DNAH6: variants seen among roughly 807,000 people sequenced by gnomAD.
DNAH6 encodes dynein axonemal heavy chain 6, also known as axonemal beta dynein heavy chain 6.
Under a neutral mutation model 491.4 loss-of-function variants are expected in DNAH6, and 340 were observed. That is an observed-to-expected ratio of 0.69 (90% CI 0.63 to 0.76). The LOEUF is 0.76. Ranked by LOEUF, DNAH6 falls within the 30% of genes least tolerant of loss-of-function variation. The pLI is 0.00. For missense variants in DNAH6, 4,443 were observed against 4,972.2 expected (o/e 0.89, Z 3.20); for synonymous variants, 1,603 against 1,686.1 (o/e 0.95, Z 1.21).
At chr2:84,659,619 C>T (rs1433316840) in intron 37 of DNAH6, among the ~76,000 whole-genome samples, 2 of 152,130 alleles carry the variant, frequency 1.3e-5, no homozygotes, top group Admixed American at 6.6e-5. Flanking sequence ...TTAGAATGCA[C>T]TCTGTTTTAT....
the DNAH6 span, among the ~76,000 whole-genome samples, chr2:84,507,494 C>T: frequency 6.6e-6 from 1 of 152,276 alleles, no homozygotes; most frequent in Middle Eastern, 3.4e-3. Context: ...TCTAGATATA[C>T]AGTCATGTCA....
At chr2:84,707,755 A>T in intron 54 of DNAH6, 39 bp downstream of exon 54, 1 of 1,505,322 alleles carries the variant, frequency 6.6e-7, no homozygotes, top group Non-Finnish European at 9.0e-7. Context: ...GGTAAGAAGC[A>T]GCTGAAACTG....
intron 41 of DNAH6, among the ~76,000 whole-genome samples, chr2:84,677,394 C>T (rs1693345273): frequency 6.6e-6 from 1 of 152,146 alleles, no homozygotes; most frequent in South Asian, 2.1e-4. Context: ...TTAGAGAAGG[C>T]TGCATCTTAG....
chr2:84,602,736 A>G (rs78145744), intron 18 of DNAH6, among the ~76,000 whole-genome samples: 6,279 of 141,548 alleles, frequency 0.044, 447 homozygotes, highest in African/African-American at 0.15. Context: ...TTCTCCTTCT[A>G]TGATTTCTGT....
intron 23 of DNAH6, among the ~76,000 whole-genome samples, 198 bp from the exon 24 acceptor site, chr2:84,619,487 C>T (rs1687190709): frequency 6.6e-6 from 1 of 152,102 alleles, no homozygotes; most frequent in Admixed American, 6.6e-5. Context: ...ATCATCACAC[C>T]TAAATGCGTC....
intron 46 of DNAH6, among the ~76,000 whole-genome samples, chr2:84,696,437 CA>C (rs1695392018): frequency 1.3e-5 from 2 of 151,858 alleles, no homozygotes; most frequent in South Asian, 4.1e-4. Context: ...CTATGGAATG[CA>C]ACCCAGCAGT....
intron 58 of DNAH6, 38 bp downstream of exon 58, chr2:84,715,665 T>C: frequency 1.3e-6 from 2 of 1,491,212 alleles, no homozygotes; most frequent in Non-Finnish European, 1.8e-6. Flanking sequence ...GAAGGGGGTA[T>C]TGTGGGTTTC....
intron 64 of DNAH6, among the ~76,000 whole-genome samples, chr2:84,774,591 T>C (rs911987051): frequency 6.6e-6 from 1 of 151,890 alleles, no homozygotes; most frequent in African/African-American, 2.4e-5. Flanking sequence ...TTTGCAGTGA[T>C]ATGGGTAGTT....
chr2:84,491,648 G>T, the DNAH6 span, among the ~76,000 whole-genome samples: 1 of 152,156 alleles, frequency 6.6e-6, no homozygotes, highest in Non-Finnish European at 1.5e-5. Context: ...GACTGCAGAA[G>T]AAGTGTTCTT....
At position 84,605,539 on chromosome 2, in the gene DNAH6, C is replaced by T; in HGVS notation, c.3121C>T (p.Pro1041Ser). 6.4e-7 allele frequency: 1 copy of T among 1,551,400 alleles called. No homozygotes were observed. The highest frequency in any genetic ancestry group is 8.7e-7 in the Non-Finnish European group (1 of 1,146,854). Residue 1041 changes from proline (P) to serine (S), a missense_variant, in exon 20 of 77, where the codon CCT becomes TCT. Transcript: ENST00000389394. ...GAAAACAACTGAATTTGTCATTCTG[C>T]CTCACCGTGACTCCAAAGATGTGTT... The part of the protein sequence containing the change: ...SWKTTEFVIL[P>S]HRDSKDVFIL...
chr2:84,726,574 A>C (rs1299739018), intron 60 of DNAH6, among the ~76,000 whole-genome samples: 1 of 152,178 alleles, frequency 6.6e-6, no homozygotes, highest in Admixed American at 6.5e-5. Context: ...CATAGGTGGG[A>C]ATTGAACAAT....
At chr2:84,766,373 A>C (rs1675073885) in intron 64 of DNAH6, among the ~76,000 whole-genome samples, 1 of 152,218 alleles carries the variant, frequency 6.6e-6, no homozygotes, top group South Asian at 2.1e-4. Context: ...TCTATCTTAA[A>C]ACATTATTTT....
At chr2:84,578,005 C>A (rs953860552) in intron 13 of DNAH6, among the ~76,000 whole-genome samples, 1 of 152,212 alleles carries the variant, frequency 6.6e-6, no homozygotes, top group Non-Finnish European at 1.5e-5. Flanking sequence ...CAGAACACAG[C>A]CATGACAATG....
chr2:84,499,028 A>G, the DNAH6 span, among the ~76,000 whole-genome samples: 3 of 15,758 alleles, frequency 1.9e-4, no homozygotes, highest in African/African-American at 1.2e-3. Flanking sequence ...CCATCCCCTC[A>G]AGCATTTGCA....
chr2:84,624,914 C>G lies in DNAH6; in HGVS notation c.4366C>G (p.Leu1456Val). 1 of 1,549,534 alleles carries G rather than the reference C, an allele frequency of 6.5e-7. No individual in the cohort carries two copies. The change falls in exon 29 of 77, where the codon CTT becomes GTT. Residue 1456 changes from leucine (L) to valine (V), a missense_variant. Physicochemically the swap from Leu to Val is conservative, Grantham distance 32 (BLOSUM62 1). This residue lies in a region of DNAH6 where 2,977 missense variants were observed against 3,296.6 expected (regional missense o/e 0.90). Coordinates refer to ENST00000389394, the MANE Select transcript of DNAH6 (RefSeq NM_001370.2). ...TTGCTTTCTTCAGGATCGCTGCTAT[C>G]TTTGCCTCATGGGAGCTTTGCAGCT... is the stretch of plus-strand genomic sequence containing the variant. ...VITPLTDRCYLCLMGALQLDL... is the reference protein window; with the variant it reads ...VITPLTDRCYVCLMGALQLDL...
At position 84,544,370 on chromosome 2, in the gene DNAH6, T is replaced by G; in HGVS notation, c.800T>G (p.Leu267Arg). Residue 267 changes from leucine to arginine, a missense_variant, in exon 5 of 77, where the codon CTC (leucine) becomes CGC (arginine). Coordinates refer to ENST00000389394, the MANE Select transcript of DNAH6 (RefSeq NM_001370.2). ...CAGGAATATCTGTATCACAGAGAACTCACTAAGATTCCCATATTTTCACTG... is the reference window on the plus strand; with the variant it reads ...CAGGAATATCTGTATCACAGAGAACGCACTAAGATTCCCATATTTTCACTG... Reference protein sequence around the residue: ...WEQEYLYHRELTKIPIFSLFR... With the variant: ...WEQEYLYHRERTKIPIFSLFR... 6.5e-7 allele frequency: 1 copy of G among 1,545,960 alleles called. No homozygotes were observed. The highest frequency in any genetic ancestry group is 8.8e-7 in the Non-Finnish European group (1 of 1,141,952).
At chr2:84,714,684 A>G (rs1697355691) in intron 57 of DNAH6, among the ~76,000 whole-genome samples, 1 of 151,886 alleles carries the variant, frequency 6.6e-6, no homozygotes, top group Admixed American at 6.6e-5. Flanking sequence ...AGTGTGACCA[A>G]CGTGCCAACT....
chr2:84,545,600 G>C (rs546193238), intron 5 of DNAH6, among the ~76,000 whole-genome samples: 9 of 152,120 alleles, frequency 5.9e-5, no homozygotes, highest in Non-Finnish European at 1.0e-4. Flanking sequence ...ATTCATACCA[G>C]TGGTGTTGCG....
intron 2 of DNAH6, among the ~76,000 whole-genome samples, chr2:84,519,042 C>G (rs1199853951): frequency 6.6e-6 from 1 of 151,990 alleles, no homozygotes; most frequent in Non-Finnish European, 1.5e-5. Context: ...GAGATCCTAT[C>G]TCTAAAAAAA....
Sources: allele counts gnomAD v4.1 joint callset (sites outside exome capture counted in the v4.1 genomes callset), GRCh38; gene constraint gnomAD v4.1.1; regional missense constraint gnomAD v4.1.1; transcripts MANE v1.5; gene names NCBI Gene and HGNC (gene_info 2026-07-23, HGNC 2026-07-21).